Variants in NID1 observed in about 807,000 individuals in gnomAD.
NID1 encodes the protein nidogen 1.
A neutral mutation model predicts 130.6 loss-of-function variants in NID1; 76 were observed. The ratio of observed to expected loss-of-function variants is 0.58; its 90% CI spans 0.48 to 0.70. The LOEUF (loss-of-function observed/expected upper bound fraction) is 0.70. Among genes scored for constraint, NID1 ranks in the 30% least tolerant of loss-of-function variants. NID1 has a pLI of 0.00. For synonymous variants in NID1, 665 were observed against 675.1 expected (o/e 0.98, Z 0.23); for missense variants, 1,517 against 1,664.8 (o/e 0.91, Z 1.54).
chr1:236,029,810 C>A, intron 6 of NID1, 60 bp from the exon 7 acceptor site: 2 of 1,556,900 alleles, frequency 1.3e-6, no homozygotes, highest in Non-Finnish European at 1.8e-6. Flanking sequence ...TCTGCCCGCC[C>A]CAGGCTCACA....
intron 16 of NID1, 29 bp downstream of exon 16, chr1:235,981,582 G>A (rs2102792056): frequency 6.3e-7 from 1 of 1,593,502 alleles, no homozygotes; most frequent in East Asian, 2.2e-5. Flanking sequence ...AAATCAAAGA[G>A]ATGCACACAC....
intron 5 of NID1, among the ~76,000 whole-genome samples, chr1:236,037,294 A>T (rs1335995705): frequency 1.3e-5 from 2 of 152,202 alleles, no homozygotes; most frequent in Non-Finnish European, 2.9e-5. Context: ...GGATGATGGG[A>T]TAAACTTTAC....
intron 5 of NID1, among the ~76,000 whole-genome samples, chr1:236,036,593 A>T (rs1365021352): frequency 6.6e-6 from 1 of 152,142 alleles, no homozygotes; most frequent in Non-Finnish European, 1.5e-5. Context: ...CCCCTCCAAA[A>T]CTCATATTGA....
At chr1:235,990,342 T>C (rs1340068890) in intron 14 of NID1, among the ~76,000 whole-genome samples, 1 of 152,224 alleles carries the variant, frequency 6.6e-6, no homozygotes, top group African/African-American at 2.4e-5. Flanking sequence ...TAGGGCTTTC[T>C]GCCAGACTTT....
chr1:236,010,280 C>T (rs1184422930), intron 12 of NID1, among the ~76,000 whole-genome samples: 1 of 150,754 alleles, frequency 6.6e-6, no homozygotes, highest in African/African-American at 2.4e-5. Context: ...GTCAAGAGCC[C>T]ACATAGTAGG....
chr1:236,014,543 C>T (rs1458717109), intron 10 of NID1, among the ~76,000 whole-genome samples: 1 of 152,174 alleles, frequency 6.6e-6, no homozygotes, highest in Non-Finnish European at 1.5e-5. Context: ...GGGGCATTAT[C>T]AGCTAGCCTC....
chr1:236,014,932 G>T (rs995177129), intron 10 of NID1, among the ~76,000 whole-genome samples: 13 of 152,216 alleles, frequency 8.5e-5, no homozygotes, highest in African/African-American at 3.1e-4. Context: ...AACTGCAAAA[G>T]TTGGTTCCCA....
At chr1:236,038,700 A>AAC (rs1403819649) in intron 4 of NID1, among the ~76,000 whole-genome samples, 20 of 133,982 alleles carry the variant, frequency 1.5e-4, no homozygotes, top group African/African-American at 4.9e-4. Flanking sequence ...GGTCATATAT[A>AAC]ATATATATTA....
At chr1:236,028,120 G>A (rs1364587274) in intron 7 of NID1, among the ~76,000 whole-genome samples, 1 of 152,098 alleles carries the variant, frequency 6.6e-6, no homozygotes, top group Non-Finnish European at 1.5e-5. Flanking sequence ...GGAGAAAATG[G>A]AAGCAACCCA....
intron 13 of NID1, among the ~76,000 whole-genome samples, chr1:235,993,288 G>A (rs568922545): frequency 2.6e-4 from 39 of 152,276 alleles, no homozygotes; most frequent in African/African-American, 8.4e-4. Flanking sequence ...CCACCTCCAC[G>A]CCTCCCTTGG....
chr1:236,048,025 CAAAAAAAAAAAAAA>C (rs57153446), intron 2 of NID1, among the ~76,000 whole-genome samples: 5 of 33,926 alleles, frequency 1.5e-4, no homozygotes, highest in African/African-American at 6.6e-4. Flanking sequence ...GACTCCATCT[CAAAAAAAAAAAAAA>C]AAAAAAAAAA....
At chr1:236,000,766 G>A (rs761266533) in intron 12 of NID1, among the ~76,000 whole-genome samples, 2 of 152,164 alleles carry the variant, frequency 1.3e-5, no homozygotes, top group African/African-American at 2.4e-5. Flanking sequence ...CCATTCCCTT[G>A]CTTGATTAAA....
chr1:236,034,277 C>G (rs1397350860), intron 5 of NID1, among the ~76,000 whole-genome samples: 1 of 151,894 alleles, frequency 6.6e-6, no homozygotes, highest in Non-Finnish European at 1.5e-5. Flanking sequence ...AAAAAATTAG[C>G]TAGGCATGGT....
chr1:236,005,363 C>T (rs1450072953), intron 12 of NID1, among the ~76,000 whole-genome samples: 1 of 151,944 alleles, frequency 6.6e-6, no homozygotes, highest in East Asian at 1.9e-4. Flanking sequence ...AGAACCTAAA[C>T]AACTGCTTTT....
intron 12 of NID1, among the ~76,000 whole-genome samples, chr1:236,007,833 G>A (rs146893770): frequency 1.6e-4 from 24 of 152,320 alleles, no homozygotes; most frequent in African/African-American, 4.3e-4. Flanking sequence ...AACTCCTGAC[G>A]CACAGAAACT....
rs748671846 is a variant in NID1 at position 235,993,705 on chromosome 1, C to G, written c.2695G>C (p.Val899Leu). ...CHGSTGYCWCVDRDGREVEGT... is the reference protein window; with the variant it reads ...CHGSTGYCWCLDRDGREVEGT... Reference sequence around the variant, plus strand: ...TCCACCTCGCGGCCGTCGCGATCCACGCACCAGCAGTAGCCGGTGCTGCCG... The same window carrying G: ...TCCACCTCGCGGCCGTCGCGATCCAGGCACCAGCAGTAGCCGGTGCTGCCG... Residue 899 changes from valine to leucine, a missense_variant, in exon 13 of 20, where the codon GTG becomes CTG. By Grantham distance (32) the Val-to-Leu change is conservative (BLOSUM62 1). Around this residue, in one of 3 missense-constraint regions of NID1, gnomAD observed 1,329 missense variants for 1,429.2 expected, o/e 0.93. Transcript: ENST00000264187. 7 of 1,605,584 alleles carry G rather than the reference C, an allele frequency of 4.4e-6. No individual in the cohort carries two copies. The highest frequency in any genetic ancestry group is 6.0e-6 in the Non-Finnish European group (7 of 1,174,208).
chr1:235,983,152 G>A (rs906122117), intron 15 of NID1, among the ~76,000 whole-genome samples: 6 of 152,190 alleles, frequency 3.9e-5, no homozygotes, highest in African/African-American at 1.4e-4. Flanking sequence ...GGGATTACAG[G>A]CATGAGCCAC....
chr1:235,988,454 G>A (rs1199623346), intron 14 of NID1, among the ~76,000 whole-genome samples: 3 of 152,192 alleles, frequency 2.0e-5, no homozygotes, highest in African/African-American at 7.2e-5. Context: ...TACAACCACT[G>A]TGGAAAACAG....
Position 236,029,750 on chromosome 1 carries a change from C to A in NID1, c.1538G>T (p.Gly513Val), listed in dbSNP as rs778880120. The stretch of plus-strand genomic sequence containing the variant: ...CTCAGCCTGGCGAGTGAACTCACCC[C>A]CTGAAAAACAAGATGAGACTGTCAC... ...DGFKNGFSITGGEFTRQAEVT... is the reference protein window; with the variant it reads ...DGFKNGFSITVGEFTRQAEVT... Residue 513 changes from glycine to valine, a missense_variant and splice_region_variant, in exon 7 of 20, where the codon GGG becomes GTG. By Grantham distance (109) the Gly-to-Val change is moderately radical. Transcript: ENST00000264187. 2 of 1,614,030 alleles carry A rather than the reference C, an allele frequency of 1.2e-6. No homozygotes were observed. Among genetic ancestry groups the A allele is most frequent in the Non-Finnish European group, 1.7e-6 (2 of 1,179,992 alleles).
Sources: allele counts gnomAD v4.1 joint callset (sites outside exome capture counted in the v4.1 genomes callset), GRCh38; gene constraint gnomAD v4.1.1; regional missense constraint gnomAD v4.1.1; transcripts MANE v1.5; gene names NCBI Gene and HGNC (gene_info 2026-07-23, HGNC 2026-07-21).